RASGRP1: variants seen among roughly 807,000 people sequenced by gnomAD.
The protein encoded by RASGRP1 is RAS guanyl-releasing protein 1.
A neutral mutation model predicts 95.1 loss-of-function variants in RASGRP1; 37 were observed. That is an observed-to-expected ratio of 0.39 (90% CI 0.30 to 0.51). The LOEUF (loss-of-function observed/expected upper bound fraction) is 0.51. Ranked by LOEUF, RASGRP1 falls within the 20% of genes least tolerant of loss-of-function variation. The probability of loss-of-function intolerance (pLI) is 0.80; values close to 1 mark genes in which losing one functional copy is unlikely to be tolerated. For missense variants in RASGRP1, 711 were observed against 965.4 expected, an observed-to-expected ratio of 0.74 and a Z score of 3.49; for synonymous variants, 325 against 353.4, an observed-to-expected ratio of 0.92 and a Z score of 0.90.
chr15:38,501,338 A>AG, intron 12 of RASGRP1, 51 bp from the exon 13 acceptor site: 8 of 1,594,056 alleles, frequency 5.0e-6, no homozygotes, highest in Non-Finnish European at 6.0e-6. Flanking sequence ...GCATGGAGGC[A>AG]GGTAGCAAGG....
At position 38,507,884 on chromosome 15, in the gene RASGRP1, G is replaced by C; in HGVS notation, c.1084C>G (p.Leu362Val). ...IPILGVHLKD[L>V]ISLYEAMPDY... ...GGCATGGCTTCATACAGGGAGATGA[G>C]GTCCTTGAGATGCACACCCAGAATG... The change falls in exon 9 of 17, where the codon CTC becomes GTC. Residue 362 changes from leucine to valine, a missense_variant. By Grantham distance (32) the Leu-to-Val change is conservative. Transcript: ENST00000310803. The C allele has an allele frequency of 1.2e-6, 2 of 1,613,698 alleles. No homozygotes were observed. The highest frequency in any genetic ancestry group is 1.7e-6 in the Non-Finnish European group (2 of 1,179,832).
rs578029251 is a variant in RASGRP1 at position 38,519,776 on chromosome 15, C to T, written c.327-405G>A. On this transcript the variant is annotated intron_variant, in intron 3 of 16. Coordinates refer to ENST00000310803, the MANE Select transcript of RASGRP1 (RefSeq NM_005739.4). ...GCAGAAAAAAAAGAAAAAACAGCAG[C>T]CCCATTTATCTTTTACAATGTTTCT... Among the ~76,000 whole-genome samples the T allele has an allele frequency of 4.6e-5, 7 of 152,250 alleles. No homozygotes were observed. In the South Asian group the frequency reaches 1.4e-3, roughly 32 times the overall value.
At position 38,512,879 on chromosome 15, in the gene RASGRP1, G is replaced by T; in HGVS notation, c.753C>A (p.Cys251Ter). The T allele has an allele frequency of 6.2e-7, 1 of 1,613,038 alleles. No homozygotes were observed. Among genetic ancestry groups the T allele is most frequent in the Non-Finnish European group, 8.5e-7 (1 of 1,179,534 alleles). Residue 251 changes from cysteine (C) to a stop codon, truncating the protein, a stop_gained, in exon 7 of 17, where the codon TGC (cysteine) becomes TGA (stop). Transcript: ENST00000310803. LOFTEE classifies it high-confidence loss of function. ...GTTGTACCCACTGGGAGATGCCGTT[G>T]CACAGAGCAATAGATCGCTCCATGG... The part of the protein sequence containing the change: ...NPTMERSIAL[C>*]NGISQWVQLM...
intron 2 of RASGRP1, among the ~76,000 whole-genome samples, chr15:38,555,882 G>A (rs924473306): frequency 3.3e-5 from 5 of 152,124 alleles, no homozygotes; most frequent in African/African-American, 1.2e-4. Context: ...TGTTGGGGGG[G>A]CCCGTTCTGA....
chr15:38,531,078 C>T (rs567860816), intron 2 of RASGRP1, among the ~76,000 whole-genome samples: 1 of 152,308 alleles, frequency 6.6e-6, no homozygotes, highest in East Asian at 1.9e-4. Flanking sequence ...TTGTAATTAG[C>T]ATAGCAGCTA....
chr15:38,533,076 T>G (rs565090616), intron 2 of RASGRP1, among the ~76,000 whole-genome samples: 1 of 152,322 alleles, frequency 6.6e-6, no homozygotes, highest in Admixed American at 6.5e-5. Flanking sequence ...CAGTCACTTC[T>G]TCTCCTTTGT....
At chr15:38,546,207 A>AT (rs1290858220) in intron 2 of RASGRP1, among the ~76,000 whole-genome samples, 5 of 151,494 alleles carry the variant, frequency 3.3e-5, no homozygotes, top group African/African-American at 1.2e-4. Flanking sequence ...TACATAAATT[A>AT]TAACTTTATT....
At chr15:38,507,271 A>G (rs541166401) in intron 9 of RASGRP1, among the ~76,000 whole-genome samples, 2 of 152,330 alleles carry the variant, frequency 1.3e-5, no homozygotes, top group African/African-American at 4.8e-5. Flanking sequence ...CTTCACTTGA[A>G]TATCTCCAAG....
intron 2 of RASGRP1, among the ~76,000 whole-genome samples, chr15:38,531,009 G>T (rs990717827): frequency 8.5e-5 from 13 of 152,158 alleles, no homozygotes; most frequent in African/African-American, 3.1e-4. Context: ...AATGATGGAA[G>T]CATTGCCATC....
At chr15:38,516,105 C>T in intron 6 of RASGRP1, 92 bp downstream of exon 6, 3 of 1,433,160 alleles carry the variant, frequency 2.1e-6, no homozygotes, top group Non-Finnish European at 2.9e-6. Context: ...GAGGGGGCCT[C>T]TAAGGTTATG....
intron 5 of RASGRP1, among the ~76,000 whole-genome samples, chr15:38,517,342 C>A (rs779045024): frequency 1.3e-5 from 2 of 152,130 alleles, no homozygotes; most frequent in African/African-American, 2.4e-5. Flanking sequence ...TTGCCCTGGG[C>A]TCTAATTTCA....
rs1271227534 is a variant in RASGRP1 at position 38,518,427 on chromosome 15, C to T, written c.390-4G>A. 1 of 1,598,770 alleles carries T rather than the reference C, an allele frequency of 6.3e-7. No individual in the cohort carries two copies. Among genetic ancestry groups the T allele is most frequent in the Non-Finnish European group, 8.5e-7 (1 of 1,172,138 alleles). ...CCAGAATTCTGTTATCCAATACCTA[C>T]AAGGAGGGGGTTAAAAAACACAATC... On this transcript the variant is annotated splice_region_variant and splice_polypyrimidine_tract_variant and intron_variant, in intron 4 of 16. Coordinates refer to ENST00000310803, the MANE Select transcript of RASGRP1 (RefSeq NM_005739.4).
At chr15:38,492,754 G>A (rs1311165799) in intron 16 of RASGRP1, among the ~76,000 whole-genome samples, 1 of 152,116 alleles carries the variant, frequency 6.6e-6, no homozygotes, top group African/African-American at 2.4e-5. Context: ...AGCCAGCCCT[G>A]TGAGTTGTGT....
intron 13 of RASGRP1, 101 bp from the exon 14 acceptor site, chr15:38,500,240 C>T: frequency 8.1e-7 from 1 of 1,231,812 alleles, no homozygotes; most frequent in Non-Finnish European, 1.2e-6. Context: ...CTCTCTAGCT[C>T]AAGTGGGAAG....
At chr15:38,503,460 G>A in intron 10 of RASGRP1, 84 bp from the exon 11 acceptor site, 1 of 1,051,576 alleles carries the variant, frequency 9.5e-7, no homozygotes. Context: ...CTACCTGACG[G>A]TTACATTTAT....
chr15:38,551,246 A>G (rs992579064), intron 2 of RASGRP1, among the ~76,000 whole-genome samples: 1 of 152,208 alleles, frequency 6.6e-6, no homozygotes, highest in Admixed American at 6.5e-5. Flanking sequence ...ATCCAAAAGC[A>G]CATTCTTAAA....
chr15:38,543,216 G>C (rs1369038996), intron 2 of RASGRP1, among the ~76,000 whole-genome samples: 1 of 151,868 alleles, frequency 6.6e-6, no homozygotes, highest in East Asian at 1.9e-4. Context: ...CATTTTTTGT[G>C]TATGGTGTGA....
At chr15:38,538,356 A>G (rs1293965263) in intron 2 of RASGRP1, among the ~76,000 whole-genome samples, 2 of 152,222 alleles carry the variant, frequency 1.3e-5, no homozygotes, top group East Asian at 3.8e-4. Context: ...AATAGCCAAA[A>G]TGCAACACTG....
intron 16 of RASGRP1, among the ~76,000 whole-genome samples, chr15:38,492,786 A>G (rs1890641239): frequency 6.6e-6 from 1 of 152,134 alleles, no homozygotes; most frequent in African/African-American, 2.4e-5. Context: ...AACAAAAAGA[A>G]GTATAGTAAT....
Sources: allele counts gnomAD v4.1 joint callset (sites outside exome capture counted in the v4.1 genomes callset), GRCh38; gene constraint gnomAD v4.1.1; transcripts MANE v1.5; gene names NCBI Gene and HGNC (gene_info 2026-07-23, HGNC 2026-07-21).